CR1L: variants seen among roughly 807,000 people sequenced by gnomAD.
CR1L encodes the protein complement component receptor 1-like protein.
A neutral mutation model predicts 62.3 loss-of-function variants in CR1L; 59 were observed. The observed-to-expected ratio is 0.95, with a 90% confidence interval of 0.77 to 1.18. The LOEUF (loss-of-function observed/expected upper bound fraction) is 1.18, where lower values mean the gene tolerates loss of function less well. CR1L is among the 50% of genes most tolerant of loss of function. The pLI is 0.00. For missense variants in CR1L, 700 were observed against 702.8 expected, an observed-to-expected ratio of 1.00 and a Z score of 0.04; for synonymous variants, 279 against 248.7, an observed-to-expected ratio of 1.12 and a Z score of -1.15.
intron 1 of CR1L, among the ~76,000 whole-genome samples, chr1:207,648,656 C>G (rs764874619): frequency 6.6e-6 from 1 of 152,144 alleles, no homozygotes; most frequent in South Asian, 2.1e-4. Context: ...GACAAAACCC[C>G]CGATCTCCTG....
intron 7 of CR1L, among the ~76,000 whole-genome samples, 152 bp from the exon 8 acceptor site, chr1:207,699,035 CTG>C (rs1664152288): frequency 6.6e-6 from 1 of 152,174 alleles, no homozygotes; most frequent in Non-Finnish European, 1.5e-5. Flanking sequence ...CTTCTGGAGG[CTG>C]TGATTTTTCC....
chr1:207,717,191 A>G (rs551957178), intron 10 of CR1L, among the ~76,000 whole-genome samples: 1 of 152,036 alleles, frequency 6.6e-6, no homozygotes, highest in African/African-American at 2.4e-5. Flanking sequence ...TAAAAAAATT[A>G]AAAAAAATTA....
Position 207,645,148 on chromosome 1 carries a change from C to A in CR1L, c.-86C>A, listed in dbSNP as rs1663095694. 7.5e-7 allele frequency: 1 copy of A among 1,330,530 alleles called. No homozygotes were observed. Among genetic ancestry groups the A allele is most frequent in the Non-Finnish European group, 1.1e-6 (1 of 937,406 alleles). 82.4% of individuals were successfully genotyped at this position (1,330,530 alleles called of 1,614,324 possible). Reference sequence around the variant, plus strand: ...TTTGGGGATTGTTGTGTCCACTAACCGGACTCAGAAGGGACTTCCCTGCTC... The same window carrying A: ...TTTGGGGATTGTTGTGTCCACTAACAGGACTCAGAAGGGACTTCCCTGCTC... On this transcript the variant is annotated 5_prime_UTR_variant, in exon 1 of 12. Coordinates refer to ENST00000508064, the MANE Select transcript of CR1L (RefSeq NM_175710.2).
chr1:207,698,484 A>G (rs1853528), intron 7 of CR1L, among the ~76,000 whole-genome samples: 75,153 of 151,932 alleles, frequency 0.49, 18,850 homozygotes, highest in East Asian at 0.65. Context: ...AGTGCTCTTC[A>G]CAGGGTGCAC....
Position 207,708,244 on chromosome 1 carries a change from G to A in CR1L, c.1395G>A (p.Met465Ile). 3 of 1,611,390 alleles carry A rather than the reference G, an allele frequency of 1.9e-6. No individual in the cohort carries two copies. The highest frequency in any genetic ancestry group is 1.1e-5 in the South Asian group (1 of 90,974). ...ILSGNTAHWS[M>I]KPPICQQIFC... is the part of the protein sequence containing the mutation. ...CGGGCAATACTGCCCATTGGAGCAT[G>A]AAGCCACCAATTTGTCAACGTGAGT... The change falls in exon 10 of 12, where the codon ATG becomes ATA. Residue 465 changes from methionine to isoleucine, a missense_variant. Met to Ile is a conservative substitution (Grantham distance 10). Coordinates refer to ENST00000508064, the MANE Select transcript of CR1L (RefSeq NM_175710.2).
intron 10 of CR1L, 111 bp downstream of exon 10, chr1:207,708,374 T>A: frequency 7.2e-7 from 1 of 1,384,088 alleles, no homozygotes; most frequent in Non-Finnish European, 1.0e-6. Flanking sequence ...CCTTCTGATA[T>A]TTGAAGAATC....
intron 9 of CR1L, among the ~76,000 whole-genome samples, chr1:207,703,485 T>C (rs1007342091): frequency 6.6e-6 from 1 of 152,208 alleles, no homozygotes; most frequent in African/African-American, 2.4e-5. Context: ...TGTTGAGATA[T>C]AGTGCTCAGA....
At chr1:207,671,371 AG>A (rs1314673337) in intron 1 of CR1L, among the ~76,000 whole-genome samples, 1 of 150,934 alleles carries the variant, frequency 6.6e-6, no homozygotes, top group East Asian at 1.9e-4. Context: ...GCACTTGAAG[AG>A]TGAATCCAGA....
intron 11 of CR1L, 32 bp downstream of exon 11, chr1:207,717,723 G>A: frequency 6.2e-7 from 1 of 1,609,542 alleles, no homozygotes; most frequent in Non-Finnish European, 8.5e-7. Flanking sequence ...TCCTAAATGG[G>A]TTCAGAATAT....
At chr1:207,676,998 A>G (rs1313364641) in intron 1 of CR1L, among the ~76,000 whole-genome samples, 1 of 151,976 alleles carries the variant, frequency 6.6e-6, no homozygotes, top group Admixed American at 6.6e-5. Context: ...TTTTGATCAC[A>G]TCTATGCAGT....
At chr1:207,689,625 A>G (rs1663966519) in intron 4 of CR1L, among the ~76,000 whole-genome samples, 9 of 152,068 alleles carry the variant, frequency 5.9e-5, no homozygotes, top group Admixed American at 5.9e-4. Flanking sequence ...TTGGGCTAGT[A>G]AAATGTGTTA....
At chr1:207,685,317 G>A (rs1460281644) in intron 4 of CR1L, among the ~76,000 whole-genome samples, 7 of 152,174 alleles carry the variant, frequency 4.6e-5, no homozygotes, top group Admixed American at 1.3e-4. Context: ...TCTCCCATCC[G>A]TTGGTGCTGC....
At chr1:207,719,051 T>C (rs1387794213) in intron 11 of CR1L, among the ~76,000 whole-genome samples, 81 of 134,538 alleles carry the variant, frequency 6.0e-4, no homozygotes, top group African/African-American at 1.5e-3. Context: ...AGGTGGGAAT[T>C]GAACAATGAG....
rs145876102 is a variant in CR1L at position 207,691,816 on chromosome 1, A to T, written c.464-2537A>T. On this transcript the variant is annotated intron_variant, in intron 4 of 11. Coordinates refer to ENST00000508064, the MANE Select transcript of CR1L (RefSeq NM_175710.2). ...CCTCCTCTTTTTGTATTGTTGCCATACGTTTTGTAAAAAGAAAAGCTTCAG... is the reference window on the plus strand; with the variant it reads ...CCTCCTCTTTTTGTATTGTTGCCATTCGTTTTGTAAAAAGAAAAGCTTCAG... 8.9e-3 allele frequency among the ~76,000 whole-genome samples: 1,361 copies of T among 152,304 alleles called. 14 individuals carry two copies. The highest frequency in any genetic ancestry group is 0.013 in the Non-Finnish European group (866 of 68,024).
chr1:207,687,395 AC>A (rs895737016), intron 4 of CR1L, among the ~76,000 whole-genome samples: 1 of 152,216 alleles, frequency 6.6e-6, no homozygotes, highest in African/African-American at 2.4e-5. Flanking sequence ...TAAAGTGCAC[AC>A]ATCTTAATTA....
At position 207,671,452 on chromosome 1, in the gene CR1L, T is replaced by C. The variant is rs569648664; in HGVS notation, c.98-5937T>C. Among the ~76,000 whole-genome samples, 68 of 151,094 alleles carry C rather than the reference T, an allele frequency of 4.5e-4. 4 individuals carry two copies. Among genetic ancestry groups the C allele is most frequent in the African/African-American group, 1.6e-3 (64 of 40,388 alleles). On this transcript the variant is annotated intron_variant, in intron 1 of 11. Coordinates refer to ENST00000508064, the MANE Select transcript of CR1L (RefSeq NM_175710.2). Reference sequence around the variant, plus strand: ...AATAACAGAGGAACTAGGATTGTTTTGTCATTAGAGGGTACTCCTACTACC... The same window carrying C: ...AATAACAGAGGAACTAGGATTGTTTCGTCATTAGAGGGTACTCCTACTACC...
chr1:207,669,532 G>T, intron 1 of CR1L: 1 of 1,576,398 alleles, frequency 6.3e-7, no homozygotes, highest in Non-Finnish European at 8.6e-7. Flanking sequence ...CCTGCTGGCG[G>T]TCGTGGTGCT....
chr1:207,697,385 T>A, intron 5 of CR1L, 118 bp from the exon 6 acceptor site: 1 of 1,588,758 alleles, frequency 6.3e-7, no homozygotes, highest in Non-Finnish European at 8.6e-7. Context: ...GTAATAAGGC[T>A]GTTATTCTAC....
chr1:207,669,798 A>G (rs1442726676), intron 1 of CR1L, among the ~76,000 whole-genome samples: 4 of 151,242 alleles, frequency 2.6e-5, no homozygotes, highest in Admixed American at 6.5e-5. Context: ...CAGGGGCTTA[A>G]GTCGTGACGA....
Sources: allele counts gnomAD v4.1 joint callset (sites outside exome capture counted in the v4.1 genomes callset), GRCh38; gene constraint gnomAD v4.1.1; transcripts MANE v1.5; gene names NCBI Gene and HGNC (gene_info 2026-07-23, HGNC 2026-07-21).